The following AGAP1 variants were observed in gnomAD, a reference collection of about 807,000 sequenced individuals.
AGAP1 encodes the protein ArfGAP with GTPase domain, ankyrin repeat and PH domain 1, also known as arf-GAP with GTPase, ANK repeat and PH domain-containing protein 1.
AGAP1 carries 29 observed loss-of-function variants against 105.3 expected under a neutral mutation model. The ratio of observed to expected loss-of-function variants is 0.28; its 90% CI spans 0.21 to 0.38. The LOEUF (loss-of-function observed/expected upper bound fraction) is 0.38. AGAP1 is among the 10% of genes least tolerant of loss of function. AGAP1 has a pLI of 1.00. For synonymous variants in AGAP1, 509 were observed against 485.9 expected (o/e 1.05, Z -0.63); for missense variants, 998 against 1,165.1 (o/e 0.86, Z 2.09).
intron 13 of AGAP1, among the ~76,000 whole-genome samples, chr2:235,986,158 G>A (rs1338016138): frequency 6.6e-6 from 1 of 152,012 alleles, no homozygotes; most frequent in Non-Finnish European, 1.5e-5. Context: ...GCAGTGGTTT[G>A]TCGTTCTCCT....
intron 1 of AGAP1, among the ~76,000 whole-genome samples, chr2:235,638,490 G>A (rs114710099): frequency 0.019 from 2,845 of 152,238 alleles, 82 homozygotes; most frequent in African/African-American, 0.064. Context: ...CAATGGCGAT[G>A]GAAAATGTTA....
rs1944444527 is a variant in AGAP1 at position 235,569,309 on chromosome 2, C to T, written c.163+74460C>T. ...CAGCCTGGGCGACAGAGCGAGACACCATCTCAAAAAAAAGGATCTTGGAGG... is the reference window on the plus strand; with the variant it reads ...CAGCCTGGGCGACAGAGCGAGACACTATCTCAAAAAAAAGGATCTTGGAGG... On this transcript the variant is annotated intron_variant, in intron 1 of 17. Coordinates refer to ENST00000304032, the MANE Select transcript of AGAP1 (RefSeq NM_001037131.3). The surrounding 1 kb of genome is among the most constrained non-coding windows in gnomAD (Gnocchi z 5.9). Among the ~76,000 whole-genome samples, 1 of 151,944 alleles carries T rather than the reference C, an allele frequency of 6.6e-6. No individual in the cohort carries two copies.
At chr2:235,709,895 G>T (rs115212019) in intron 2 of AGAP1, among the ~76,000 whole-genome samples, 1 of 152,244 alleles carries the variant, frequency 6.6e-6, no homozygotes, top group Non-Finnish European at 1.5e-5. Context: ...CAGGTTCTTT[G>T]TCGTGAAATA....
intron 1 of AGAP1, among the ~76,000 whole-genome samples, chr2:235,531,573 G>A (rs1943046295): frequency 6.6e-6 from 1 of 151,248 alleles, no homozygotes; most frequent in Non-Finnish European, 1.5e-5. Flanking sequence ...TGGGACAAGG[G>A]AATTGGGACA....
intron 13 of AGAP1, among the ~76,000 whole-genome samples, chr2:236,008,815 TTG>T (rs1463814374): frequency 6.6e-6 from 1 of 152,200 alleles, no homozygotes; most frequent in Non-Finnish European, 1.5e-5. Context: ...GAAAGAACCA[TTG>T]TGAGTTGTTG....
rs77121130 is a variant in AGAP1, at chr2:235,826,075, G to A, written c.1050+18744G>A. 5.4e-3 allele frequency among the ~76,000 whole-genome samples: 821 copies of A among 152,278 alleles called. 10 individuals carry two copies. The highest frequency in any genetic ancestry group is 0.019 in the African/African-American group (780 of 41,544). On this transcript the variant is annotated intron_variant, in intron 9 of 17. Coordinates refer to ENST00000304032, the MANE Select transcript of AGAP1 (RefSeq NM_001037131.3). ...ACCCAGCGTGGAAGAGGAGGTGTGCGAAACCATGCTAACGTGGCGCCATGC... is the reference window on the plus strand; with the variant it reads ...ACCCAGCGTGGAAGAGGAGGTGTGCAAAACCATGCTAACGTGGCGCCATGC...
intron 1 of AGAP1, among the ~76,000 whole-genome samples, chr2:235,648,601 C>T (rs1356642375): frequency 1.3e-4 from 19 of 150,952 alleles, no homozygotes; most frequent in Admixed American, 6.6e-5. Context: ...TGGCCGGGCG[C>T]GGTGGCTCAT....
rs555295605 is a variant in AGAP1, at chr2:235,957,331, G to A, written c.1484-11131G>A. Among the ~76,000 whole-genome samples, 1 of 152,334 alleles carries A rather than the reference G, an allele frequency of 6.6e-6. No individual in the cohort carries two copies. Among genetic ancestry groups the A allele is most frequent in the Admixed American group, 6.5e-5 (1 of 15,296 alleles). ...AGTAGGCAATTCTTCTCTCCTGTGT[G>A]TTCTCTTGGTTCTGGCTCCTCCTAT... On this transcript the variant is annotated intron_variant, in intron 12 of 17. Transcript: ENST00000304032. The surrounding 1 kb of genome is among the most constrained non-coding windows in gnomAD (Gnocchi z 4.6).
In AGAP1 at chr2:235,737,097, C is replaced by T. The variant is rs910781181; in HGVS notation, c.311-3866C>T. Among the ~76,000 whole-genome samples, 2 of 152,190 alleles carry T rather than the reference C, an allele frequency of 1.3e-5. No individual in the cohort carries two copies. The highest frequency in any genetic ancestry group is 6.5e-5 in the Admixed American group (1 of 15,286). ...GCCCAGTGGTCCTATTGAGCTGAAC[C>T]TGCTCCCATCAGTAGTGCCCTGCGG... On this transcript the variant is annotated intron_variant, in intron 3 of 17. Transcript: ENST00000304032. This position sits in a 1 kb window ranked among gnomAD's most constrained non-coding sequence, Gnocchi z 4.5.
At chr2:236,122,841 T>C (rs572869018) in intron 17 of AGAP1, among the ~76,000 whole-genome samples, 1 of 151,996 alleles carries the variant, frequency 6.6e-6, no homozygotes, top group East Asian at 2.0e-4. Flanking sequence ...TACACCACCA[T>C]GCCCAGATAA....
At chr2:235,632,814 C>T (rs764251399) in intron 1 of AGAP1, among the ~76,000 whole-genome samples, 7 of 152,166 alleles carry the variant, frequency 4.6e-5, no homozygotes, top group Admixed American at 1.3e-4. Context: ...TCTTGTGGCA[C>T]CTGGTGGTGT....
At chr2:235,975,393 G>C (rs1262041214) in intron 13 of AGAP1, among the ~76,000 whole-genome samples, 1 of 152,164 alleles carries the variant, frequency 6.6e-6, no homozygotes, top group African/African-American at 2.4e-5. Context: ...GAAGCTCTCA[G>C]TTAATCTGTA....
At chr2:235,876,103 A>G (rs989530206) in intron 9 of AGAP1, among the ~76,000 whole-genome samples, 1 of 152,172 alleles carries the variant, frequency 6.6e-6, no homozygotes, top group Non-Finnish European at 1.5e-5. Context: ...CATCTCCAAT[A>G]GAGGTGTGCA....
intron 1 of AGAP1, among the ~76,000 whole-genome samples, chr2:235,583,553 AT>A (rs763297542): frequency 0.15 from 19,356 of 128,404 alleles, 2,712 homozygotes; most frequent in African/African-American, 0.41. Context: ...TACCTGGCTA[AT>A]TTTTTTTTTT....
chr2:235,947,466 G>A (rs931212106), intron 12 of AGAP1, among the ~76,000 whole-genome samples: 3 of 152,074 alleles, frequency 2.0e-5, no homozygotes, highest in South Asian at 2.1e-4. Context: ...CATTTTCTTC[G>A]TCCACTCGTT....
At chr2:235,837,710 T>C (rs1960334523) in intron 9 of AGAP1, among the ~76,000 whole-genome samples, 2 of 152,212 alleles carry the variant, frequency 1.3e-5, no homozygotes, top group Non-Finnish European at 2.9e-5. Context: ...CCTGTGAAAG[T>C]AACCACATGT....
intron 2 of AGAP1, among the ~76,000 whole-genome samples, chr2:235,715,762 G>A (rs541279451): frequency 6.6e-5 from 10 of 152,238 alleles, no homozygotes; most frequent in South Asian, 2.1e-4. Context: ...TCCTTGATCC[G>A]TGCACACTGG....
At position 235,569,981 on chromosome 2, in the gene AGAP1, C is replaced by T. The variant is rs980954705; in HGVS notation, c.163+75132C>T. ...AACATGGTGTGACTGGCCCGGGATC[C>T]AAATTATTTGCAGCGCCTGTCGTCT... On this transcript the variant is annotated intron_variant, in intron 1 of 17. Coordinates refer to ENST00000304032, the MANE Select transcript of AGAP1 (RefSeq NM_001037131.3). This position sits in a 1 kb window ranked among gnomAD's most constrained non-coding sequence, Gnocchi z 5.9. Among the ~76,000 whole-genome samples the T allele has an allele frequency of 2.0e-5, 3 of 152,180 alleles. No homozygotes were observed. Among genetic ancestry groups the T allele is most frequent in the African/African-American group, 4.8e-5 (2 of 41,446 alleles).
chr2:235,983,090 G>A lies in AGAP1; in HGVS notation c.1645+14467G>A, dbSNP rs1023702611. On this transcript the variant is annotated intron_variant, in intron 13 of 17. Transcript: ENST00000304032. This position sits in a 1 kb window ranked among gnomAD's most constrained non-coding sequence, Gnocchi z 4.5. Reference sequence around the variant, plus strand: ...GGTCTGTGGAGGTGTGCTCACTGCTGCAGGGCCATTTGCTGAGCAGGAAGC... The same window carrying A: ...GGTCTGTGGAGGTGTGCTCACTGCTACAGGGCCATTTGCTGAGCAGGAAGC... Among the ~76,000 whole-genome samples, 10 of 152,214 alleles carry A rather than the reference G, an allele frequency of 6.6e-5. No individual in the cohort carries two copies. Among genetic ancestry groups the A allele is most frequent in the Admixed American group, 6.5e-4 (10 of 15,280 alleles).
Sources: gnomAD v4.1 joint callset for allele counts (sites outside exome capture counted in the v4.1 genomes callset) on GRCh38, gnomAD v4.1.1 for gene constraint, Gnocchi (gnomAD v3.1) non-coding constraint, MANE v1.5 for transcripts, NCBI Gene and HGNC (gene_info 2026-07-23, HGNC 2026-07-21) for gene names.